The following BOC variants were observed in gnomAD, a reference collection of about 807,000 sequenced individuals.
The protein encoded by BOC is brother of CDO.
A neutral mutation model predicts 112.0 loss-of-function variants in BOC; 76 were observed. The observed-to-expected ratio is 0.68, with a 90% CI of 0.56 to 0.82. The LOEUF is 0.82. Ranked by LOEUF, BOC falls within the 40% of genes least tolerant of loss-of-function variation. The pLI is 0.00. For synonymous variants in BOC, 580 were observed against 599.8 expected, an observed-to-expected ratio of 0.97 and a Z score of 0.48; for missense variants, 1,309 against 1,511.7, an observed-to-expected ratio of 0.87 and a Z score of 2.22.
intron 4 of BOC, among the ~76,000 whole-genome samples, chr3:113,255,359 T>A (rs1362033242): frequency 3.3e-5 from 5 of 152,204 alleles, no homozygotes; most frequent in Non-Finnish European, 7.3e-5. Context: ...ACCTCAGGCC[T>A]GTTCTCAACA....
At position 113,278,118 on chromosome 3, in the gene BOC, T is replaced by G; in HGVS notation, c.1566T>G (p.Asp522Glu). Reference protein sequence around the residue: ...HRKQVTNSSDDWTISGIPANQ... With the variant: ...HRKQVTNSSDEWTISGIPANQ... ...AGCAGGTCACAAATTCCTCTGACGA[T>G]TGGACCATCTCTGGCATTCCAGCCA... Residue 522 changes from aspartate (D) to glutamate (E), a missense_variant, in exon 10 of 20, where the codon GAT becomes GAG. Physicochemically the swap from Asp to Glu is conservative, Grantham distance 45 (BLOSUM62 2). Transcript: ENST00000682979. This position sits in a 1 kb window ranked among gnomAD's most constrained non-coding sequence, Gnocchi z 4.2. The G allele has an allele frequency of 6.2e-7, 1 of 1,614,204 alleles. No homozygotes were observed. The highest frequency in any genetic ancestry group is 8.5e-7 in the Non-Finnish European group (1 of 1,180,044).
At chr3:113,255,767 TCCCC>T (rs922022782) in intron 4 of BOC, among the ~76,000 whole-genome samples, 23 of 151,522 alleles carry the variant, frequency 1.5e-4, no homozygotes, top group African/African-American at 5.1e-4. Flanking sequence ...AAGGAAGGAG[TCCCC>T]CTCGCCACTC....
At chr3:113,228,260 G>A (rs1458604519) in intron 2 of BOC, among the ~76,000 whole-genome samples, 1 of 152,118 alleles carries the variant, frequency 6.6e-6, no homozygotes, top group Non-Finnish European at 1.5e-5. Flanking sequence ...TGGGGGGACG[G>A]GGCAGATGAT....
At position 113,270,951 on chromosome 3, in the gene BOC, C is replaced by T. The variant is rs1393768093; in HGVS notation, c.667+7C>T. On this transcript the variant is annotated splice_region_variant and intron_variant, in intron 6 of 19. Coordinates refer to ENST00000682979, the MANE Select transcript of BOC (RefSeq NM_001378074.1). ...GACAGGCTACGTGTGCGCCGTAAGG[C>T]CCGGGCCCACCTGCTGGGGGATGGG... The T allele has an allele frequency of 6.2e-7, 1 of 1,614,122 alleles. No individual in the cohort carries two copies. The highest frequency in any genetic ancestry group is 1.7e-5 in the Admixed American group (1 of 60,030).
At chr3:113,217,526 C>CA (rs77047581) in intron 2 of BOC, among the ~76,000 whole-genome samples, 26,684 of 149,698 alleles carry the variant, frequency 0.18, 2,369 homozygotes, top group East Asian at 0.24. Context: ...GACCCTATCT[C>CA]AAAAAAAAAA....
chr3:113,279,624 C>T lies in BOC; in HGVS notation c.2023+169C>T, dbSNP rs1273655541. 12 of 819,366 alleles carry T rather than the reference C, an allele frequency of 1.5e-5. No individual in the cohort carries two copies. The Admixed American group carries it at 2.8e-4, about 19-fold the overall frequency. The allele number at this position is 819,366 out of a possible 1,614,324, so 50.8% of individuals were successfully genotyped here. ...TTACCACAGTCCTAAAGCCTTCTGCCTCCCTCCAGAAGAGCATCCAGAGCC... is the reference window on the plus strand; with the variant it reads ...TTACCACAGTCCTAAAGCCTTCTGCTTCCCTCCAGAAGAGCATCCAGAGCC... On this transcript the variant is annotated intron_variant, in intron 12 of 19. Coordinates refer to ENST00000682979, the MANE Select transcript of BOC (RefSeq NM_001378074.1).
At chr3:113,214,298 C>G (rs1023687839) in intron 1 of BOC, among the ~76,000 whole-genome samples, 2 of 152,184 alleles carry the variant, frequency 1.3e-5, no homozygotes, top group Non-Finnish European at 2.9e-5. Flanking sequence ...GATCCCGGCT[C>G]TCTTCAACAA....
Position 113,219,747 on chromosome 3 carries a change from G to A in BOC, c.-82+3473G>A, listed in dbSNP as rs150155963. Among the ~76,000 whole-genome samples the A allele has an allele frequency of 4.6e-5, 7 of 152,340 alleles. No homozygotes were observed. The East Asian group carries it at 1.3e-3, about 29-fold the overall frequency. ...CTAGGAGATTCTGAATGGCTCAGCA[G>A]CAGCCCCACAAGAGAAGCCAGGCTT... On this transcript the variant is annotated intron_variant, in intron 2 of 19. Transcript: ENST00000682979.
Position 113,273,333 on chromosome 3 carries a change from C to G in BOC, c.1226C>G (p.Ser409Cys). ...CATGCCGTAGTCCAGCTGCGGACCT[C>G]CAGGCCAAGTGAGTGTAGCCCAGGG... is the stretch of plus-strand genomic sequence containing the variant. Reference protein sequence around the residue: ...SAHAVVQLRTSRPSITPRLWQ... With the variant: ...SAHAVVQLRTCRPSITPRLWQ... The change falls in exon 8 of 20, where the codon TCC becomes TGC. Residue 409 changes from serine to cysteine, a missense_variant. Physicochemically the swap from Ser to Cys is moderately radical, Grantham distance 112. Coordinates refer to ENST00000682979, the MANE Select transcript of BOC (RefSeq NM_001378074.1). 1 of 1,589,918 alleles carries G rather than the reference C, an allele frequency of 6.3e-7. No individual in the cohort carries two copies. Among genetic ancestry groups the G allele is most frequent in the Non-Finnish European group, 8.6e-7 (1 of 1,161,002 alleles).
chr3:113,261,801 C>G (rs1343196765), intron 4 of BOC: 1 of 152,172 alleles, frequency 6.6e-6, no homozygotes, highest in African/African-American at 2.4e-5. Flanking sequence ...CCAGATTTCT[C>G]TCTCCTGTCT....
intron 4 of BOC, among the ~76,000 whole-genome samples, chr3:113,258,926 C>A (rs1401692536): frequency 6.6e-6 from 1 of 152,194 alleles, no homozygotes; most frequent in Non-Finnish European, 1.5e-5. Flanking sequence ...ATAAGGAATA[C>A]CTTATAGCTT....
At chr3:113,283,703 C>T (rs1949404566) in intron 16 of BOC, 71 bp downstream of exon 16, 3 of 1,434,916 alleles carry the variant, frequency 2.1e-6, no homozygotes. Context: ...AGGCCTCTGC[C>T]TAGGTCTGTG....
At chr3:113,276,167 A>T (rs1347717377) in intron 9 of BOC, among the ~76,000 whole-genome samples, 1 of 152,228 alleles carries the variant, frequency 6.6e-6, no homozygotes, top group Non-Finnish European at 1.5e-5. Flanking sequence ...CATGGTTCCC[A>T]GGAGACAAAA....
intron 2 of BOC, among the ~76,000 whole-genome samples, chr3:113,243,840 T>C (rs1159102925): frequency 6.6e-6 from 1 of 152,236 alleles, no homozygotes; most frequent in Admixed American, 6.5e-5. Flanking sequence ...CCACTTCACA[T>C]TGGTGACTGA....
At chr3:113,225,440 T>C (rs1415334781) in intron 2 of BOC, among the ~76,000 whole-genome samples, 2 of 152,180 alleles carry the variant, frequency 1.3e-5, no homozygotes, top group African/African-American at 4.8e-5. Flanking sequence ...TTTTGGACTA[T>C]GGAAATTCCA....
At chr3:113,240,015 C>T (rs1277971121) in intron 2 of BOC, among the ~76,000 whole-genome samples, 1 of 152,196 alleles carries the variant, frequency 6.6e-6, no homozygotes, top group Non-Finnish European at 1.5e-5. Flanking sequence ...GGAGTTCATA[C>T]CGAGGACCAA....
At chr3:113,247,706 G>T (rs1444482621) in intron 2 of BOC, among the ~76,000 whole-genome samples, 1 of 152,106 alleles carries the variant, frequency 6.6e-6, no homozygotes, top group Non-Finnish European at 1.5e-5. Context: ...GAAATACATT[G>T]TGTAAGAGCT....
intron 8 of BOC, 109 bp downstream of exon 8, chr3:113,273,450 T>G (rs1948355410): frequency 7.9e-7 from 1 of 1,259,000 alleles, no homozygotes; most frequent in African/African-American, 1.5e-5. Flanking sequence ...AAAGTAGCTT[T>G]TAGTTGTAAG....
intron 9 of BOC, among the ~76,000 whole-genome samples, chr3:113,276,482 C>T (rs530671778): frequency 6.6e-6 from 1 of 152,310 alleles, no homozygotes; most frequent in South Asian, 2.1e-4. Flanking sequence ...CCTGGGGTCT[C>T]CTCAGCCTGG....
Sources: gnomAD v4.1 joint callset for allele counts (sites outside exome capture counted in the v4.1 genomes callset) on GRCh38, gnomAD v4.1.1 for gene constraint, Gnocchi (gnomAD v3.1) non-coding constraint, MANE v1.5 for transcripts, NCBI Gene and HGNC (gene_info 2026-07-23, HGNC 2026-07-21) for gene names.